Variants in RAPGEF5 observed in about 807,000 individuals in gnomAD.
RAPGEF5 encodes Rap guanine nucleotide exchange factor 5.
In RAPGEF5, 65 loss-of-function variants were observed where a neutral mutation model predicts 125.2. That is an observed-to-expected ratio of 0.52 (90% confidence interval 0.43 to 0.64). The LOEUF (loss-of-function observed/expected upper bound fraction) is 0.64, where lower values mean the gene tolerates loss of function less well. Ranked by LOEUF, RAPGEF5 falls within the 30% of genes least tolerant of loss-of-function variation. RAPGEF5 has a pLI of 0.00. For missense variants in RAPGEF5, 958 were observed against 1,048.1 expected, an observed-to-expected ratio of 0.91 and a Z score of 1.19; for synonymous variants, 391 against 385.9, an observed-to-expected ratio of 1.01 and a Z score of -0.16.
intron 1 of RAPGEF5, among the ~76,000 whole-genome samples, chr7:22,353,252 T>C (rs1784362215): frequency 6.6e-6 from 1 of 152,236 alleles, no homozygotes; most frequent in Non-Finnish European, 1.5e-5. Flanking sequence ...GAAGCTGTTA[T>C]AAAATAAATT....
chr7:22,125,093 G>C (rs1015234130), intron 25 of RAPGEF5: 3 of 152,782 alleles, frequency 2.0e-5, no homozygotes, highest in African/African-American at 7.2e-5. Flanking sequence ...TTCTACAAAA[G>C]TGCTCAGAAC....
rs182243594 is a variant in RAPGEF5, at chr7:22,200,646, G to A, written c.997-6613C>T. On this transcript the variant is annotated intron_variant, in intron 9 of 25. Coordinates refer to ENST00000665637, the MANE Select transcript of RAPGEF5 (RefSeq NM_012294.5). ...ATGAAAATAAACATATATTTATTAC[G>A]GAACTTGACCAAACTCCAACAGAAA... 6.0e-4 allele frequency among the ~76,000 whole-genome samples: 92 copies of A among 152,104 alleles called. 1 individual carries two copies. In the South Asian group the frequency reaches 0.013, roughly 22 times the overall value.
At chr7:22,125,530 A>G in intron 25 of RAPGEF5, 74 bp downstream of exon 25, 1 of 1,377,420 alleles carries the variant, frequency 7.3e-7, no homozygotes, top group Non-Finnish European at 1.0e-6. Context: ...ATTGATTACC[A>G]CCCAATACTT....
chr7:22,124,526 G>A (rs1782677609), intron 25 of RAPGEF5, among the ~76,000 whole-genome samples: 2 of 152,178 alleles, frequency 1.3e-5, no homozygotes, highest in Non-Finnish European at 2.9e-5. Flanking sequence ...AACTTACTTT[G>A]TTGGGGGACA....
intron 1 of RAPGEF5, among the ~76,000 whole-genome samples, 153 bp from the exon 2 acceptor site, chr7:22,318,190 T>C (rs1783642233): frequency 6.6e-6 from 1 of 151,302 alleles, no homozygotes; most frequent in Non-Finnish European, 1.5e-5. Flanking sequence ...CCTAAGGGCT[T>C]AGCATCCTTA....
intron 18 of RAPGEF5, 86 bp downstream of exon 18, chr7:22,150,321 C>A: frequency 7.4e-7 from 1 of 1,350,158 alleles, no homozygotes; most frequent in Non-Finnish European, 1.0e-6. Flanking sequence ...CATCTTCCTG[C>A]CTTGGCCTCC....
chr7:22,156,749 A>G (rs1174648853), intron 16 of RAPGEF5, 61 bp downstream of exon 16: 4 of 1,607,844 alleles, frequency 2.5e-6, no homozygotes, highest in Non-Finnish European at 3.4e-6. Context: ...ATGCCAATGT[A>G]GGAGAAAAAT....
chr7:22,132,751 G>A (rs896641430), intron 23 of RAPGEF5, among the ~76,000 whole-genome samples: 1 of 152,142 alleles, frequency 6.6e-6, no homozygotes, highest in Non-Finnish European at 1.5e-5. Context: ...GGGATGATGA[G>A]GAGGGCAGTG....
intron 11 of RAPGEF5, among the ~76,000 whole-genome samples, chr7:22,189,944 G>A (rs115190507): frequency 0.02 from 3,091 of 152,238 alleles, 113 homozygotes; most frequent in African/African-American, 0.071. Flanking sequence ...TGGTTTGCTT[G>A]TTCCTTATCA....
intron 20 of RAPGEF5, among the ~76,000 whole-genome samples, chr7:22,143,884 T>C (rs1783344855): frequency 6.6e-6 from 1 of 152,222 alleles, no homozygotes; most frequent in South Asian, 2.1e-4. Context: ...GGAACTGGTG[T>C]AGACTCAGTC....
At chr7:22,138,671 C>A (rs201285859) in intron 21 of RAPGEF5, among the ~76,000 whole-genome samples, 1 of 152,236 alleles carries the variant, frequency 6.6e-6, no homozygotes, top group Non-Finnish European at 1.5e-5. Context: ...TCCAAGACTT[C>A]TGTCATCACA....
intron 7 of RAPGEF5, among the ~76,000 whole-genome samples, chr7:22,234,606 G>C (rs1274787208): frequency 6.6e-6 from 1 of 152,172 alleles, no homozygotes; most frequent in Non-Finnish European, 1.5e-5. Flanking sequence ...GTGCCCACAG[G>C]AGAACTAAGC....
intron 2 of RAPGEF5, among the ~76,000 whole-genome samples, chr7:22,317,396 A>T (rs1371441240): frequency 1.3e-5 from 2 of 151,884 alleles, no homozygotes; most frequent in Non-Finnish European, 2.9e-5. Context: ...GCCCACCACC[A>T]CGCCCGGCTA....
chr7:22,309,909 T>TA, intron 4 of RAPGEF5, 60 bp downstream of exon 4: 1 of 1,475,774 alleles, frequency 6.8e-7, no homozygotes. Context: ...AAATCAAGTG[T>TA]ATTTTCATCT....
chr7:22,228,983 T>C (rs1337538353), intron 8 of RAPGEF5, among the ~76,000 whole-genome samples: 1 of 152,136 alleles, frequency 6.6e-6, no homozygotes. Flanking sequence ...GACAAGCTTA[T>C]AATATCTCCA....
chr7:22,233,840 G>A (rs753163591), intron 7 of RAPGEF5, among the ~76,000 whole-genome samples: 3 of 152,160 alleles, frequency 2.0e-5, no homozygotes, highest in Non-Finnish European at 2.9e-5. Context: ...ACAATGCTAT[G>A]TTTATTGTCA....
At chr7:22,218,885 G>T (rs899667830) in intron 9 of RAPGEF5, among the ~76,000 whole-genome samples, 1 of 152,096 alleles carries the variant, frequency 6.6e-6, no homozygotes, top group Non-Finnish European at 1.5e-5. Context: ...GTTACAATTC[G>T]ATGTCTCACT....
intron 1 of RAPGEF5, chr7:22,356,286 G>A (rs1784418097): frequency 1.0e-6 from 1 of 982,114 alleles, no homozygotes; most frequent in Non-Finnish European, 1.2e-6. Flanking sequence ...ATTAAGTGCT[G>A]GAGACACCGG....
chr7:22,320,974 T>C (rs1004864262), intron 1 of RAPGEF5, among the ~76,000 whole-genome samples: 3 of 152,202 alleles, frequency 2.0e-5, no homozygotes, highest in Non-Finnish European at 2.9e-5. Context: ...CTCTCATAAA[T>C]ATAATGCCCA....
Sources: allele counts gnomAD v4.1 joint callset (sites outside exome capture counted in the v4.1 genomes callset), GRCh38; gene constraint gnomAD v4.1.1; transcripts MANE v1.5; gene names NCBI Gene and HGNC (gene_info 2026-07-23, HGNC 2026-07-21).